Variants in STRBP observed in about 807,000 individuals in gnomAD.
STRBP encodes spermatid perinuclear RNA binding protein.
Under a neutral mutation model 80.1 loss-of-function variants are expected in STRBP, and 13 were observed. That is an observed-to-expected ratio of 0.16 (90% CI 0.11 to 0.26). STRBP has a LOEUF of 0.26. Among genes scored for constraint, STRBP ranks in the 10% least tolerant of loss-of-function variants. The pLI, the probability that STRBP is intolerant of heterozygous loss-of-function variation, is 1.00. For synonymous variants in STRBP, 284 were observed against 291.2 expected, an observed-to-expected ratio of 0.98 and a Z score of 0.25; for missense variants, 485 against 815.2, an observed-to-expected ratio of 0.59 and a Z score of 4.93.
intron 1 of STRBP, among the ~76,000 whole-genome samples, chr9:123,244,356 C>T (rs1200567087): frequency 2.6e-5 from 4 of 152,140 alleles, no homozygotes; most frequent in Non-Finnish European, 5.9e-5. Context: ...TAAAACTATT[C>T]TGTATGATAC....
intron 2 of STRBP, among the ~76,000 whole-genome samples, chr9:123,234,014 T>C (rs564255701): frequency 0.012 from 1,811 of 151,976 alleles, 38 homozygotes; most frequent in African/African-American, 0.042. Flanking sequence ...TCCTGGCTAA[T>C]ACGGTGAAAT....
At chr9:123,238,704 G>T (rs2040625533) in intron 1 of STRBP, among the ~76,000 whole-genome samples, 1 of 152,040 alleles carries the variant, frequency 6.6e-6, no homozygotes. Flanking sequence ...TGAGAAGGGA[G>T]ACTACCCAAG....
intron 1 of STRBP, among the ~76,000 whole-genome samples, chr9:123,256,018 CTTTTTTTTTTTT>C (rs11338372): frequency 5.6e-5 from 4 of 71,488 alleles, no homozygotes; most frequent in African/African-American, 2.3e-4. Context: ...TCCTTTCTTT[CTTTTTTTTTTTT>C]TTTTTTTTTT....
rs1472385673 is a variant in STRBP, at chr9:123,121,687, C to T, written c.*3910G>A. ...GCTGTTGTTGTATTAGGGCATACAA[C>T]ACAGATCAGAGACTTTCATTTCTCG... On this transcript the variant is annotated 3_prime_UTR_variant, in exon 19 of 19. Coordinates refer to ENST00000348403, the MANE Select transcript of STRBP (RefSeq NM_018387.5). 3 of 149,704 alleles carry T rather than the reference C, an allele frequency of 2.0e-5. No individual in the cohort carries two copies. Among genetic ancestry groups the T allele is most frequent in the South Asian group, 2.1e-4 (1 of 4,702 alleles). 9.3% of individuals were successfully genotyped at this position (149,704 alleles called of 1,614,324 possible). A position where few individuals can be genotyped will look rare whatever the true frequency, so the allele number is the denominator to read the frequency against.
At chr9:123,120,505 A>AGGGG (rs2035716293), downstream of STRBP, among the ~76,000 whole-genome samples, 1 of 1,206 alleles carries the variant, frequency 8.3e-4, no homozygotes, top group Non-Finnish European at 2.0e-3. Context: ...GGGGGGGGGC[A>AGGGG]GGGGCGGGGA....
chr9:123,172,389 A>G (rs972713788), intron 5 of STRBP, among the ~76,000 whole-genome samples: 1 of 152,224 alleles, frequency 6.6e-6, no homozygotes, highest in African/African-American at 2.4e-5. Context: ...GTTAGCCAGA[A>G]AGCCCATTAA....
chr9:123,262,217 T>C (rs1006122636), intron 1 of STRBP, among the ~76,000 whole-genome samples: 3 of 152,196 alleles, frequency 2.0e-5, no homozygotes, highest in Non-Finnish European at 4.4e-5. Context: ...TGAGCCTAAA[T>C]GTCAATTTAT....
intron 1 of STRBP, among the ~76,000 whole-genome samples, chr9:123,247,680 G>A (rs1207724040): frequency 6.6e-6 from 1 of 152,182 alleles, no homozygotes. Flanking sequence ...TGAAACTGCT[G>A]TAAGGATCTA....
Position 123,124,340 on chromosome 9 carries a change from G to A in STRBP, c.*1257C>T. 2.0e-6 allele frequency: 2 copies of A among 985,410 alleles called. No individual in the cohort carries two copies. The highest frequency in any genetic ancestry group is 2.4e-6 in the Non-Finnish European group (2 of 829,938). 61.0% of individuals were successfully genotyped at this position (985,410 alleles called of 1,614,324 possible). A position where few individuals can be genotyped will look rare whatever the true frequency, so the allele number is the denominator to read the frequency against. ...GTACCTTAATGAAACCATTGACCTA[G>A]TAACATCATTGGCTTTCCAAACAAG... On this transcript the variant is annotated 3_prime_UTR_variant, in exon 19 of 19. Transcript: ENST00000348403.
Position 123,123,994 on chromosome 9 carries a change from G to C in STRBP, c.*1603C>G, listed in dbSNP as rs1053996250. ...CAGCAAGTGATGAGGTTTTATTAAA[G>C]TATCACCCACCACTAATAAAGACAA... On this transcript the variant is annotated 3_prime_UTR_variant, in exon 19 of 19. Transcript: ENST00000348403. 3.0e-6 allele frequency: 3 copies of C among 985,362 alleles called. No individual in the cohort carries two copies. Among genetic ancestry groups the C allele is most frequent in the Non-Finnish European group, 3.6e-6 (3 of 829,906 alleles). The allele number at this position is 985,362 out of a possible 1,614,324, so 61.0% of individuals were successfully genotyped here.
intron 2 of STRBP, among the ~76,000 whole-genome samples, chr9:123,184,941 T>C (rs1302654113): frequency 6.6e-6 from 1 of 152,184 alleles, no homozygotes. Context: ...CCTCACCAGA[T>C]TTCCACAGTA....
At chr9:123,155,626 A>G (rs1227183081) in intron 11 of STRBP, among the ~76,000 whole-genome samples, 1 of 152,196 alleles carries the variant, frequency 6.6e-6, no homozygotes, top group African/African-American at 2.4e-5. Flanking sequence ...AAATAAGGGT[A>G]GGAGACACAG....
chr9:123,133,555 T>C (rs2036231116), intron 16 of STRBP, among the ~76,000 whole-genome samples: 1 of 152,090 alleles, frequency 6.6e-6, no homozygotes, highest in Non-Finnish European at 1.5e-5. Flanking sequence ...GTTTTTTTTT[T>C]TGAGACGGAG....
intron 1 of STRBP, among the ~76,000 whole-genome samples, chr9:123,253,820 T>C (rs1435586891): frequency 6.6e-6 from 1 of 152,232 alleles, no homozygotes; most frequent in East Asian, 1.9e-4. Flanking sequence ...AGGAGTGACC[T>C]GTAATACAAA....
rs2132338687 is a variant in STRBP, at chr9:123,142,561, G to A, written c.1339-2874C>T. 2.0e-5 allele frequency among the ~76,000 whole-genome samples: 3 copies of A among 152,190 alleles called. 1 individual carries two copies. The highest frequency in any genetic ancestry group is 4.4e-5 in the Non-Finnish European group (3 of 68,012). On this transcript the variant is annotated intron_variant, in intron 13 of 18. Coordinates refer to ENST00000348403, the MANE Select transcript of STRBP (RefSeq NM_018387.5). Reference sequence around the variant, plus strand: ...GCCTGCTCTGAGCAAGAATCCTAATGGGTCCCGTTTAGCCAGAAATCCCCC... The same window carrying A: ...GCCTGCTCTGAGCAAGAATCCTAATAGGTCCCGTTTAGCCAGAAATCCCCC...
rs1554744583 is a variant in STRBP at position 123,137,398 on chromosome 9, G to GC, written c.1498-884_1498-883insG. On this transcript the variant is annotated intron_variant, in intron 14 of 18. Transcript: ENST00000348403. ...ATAAATGTCCAAAAGTGTTAATTTT[G>GC]TTTTTTTTGTTTGTTGTTGTTGTTG... is the stretch of plus-strand genomic sequence containing the variant. 3.3e-5 allele frequency among the ~76,000 whole-genome samples: 5 copies of GC among 151,148 alleles called. No individual in the cohort carries two copies. In the East Asian group the frequency reaches 9.6e-4, roughly 29 times the overall value.
chr9:123,268,257 G>A (rs1275738677), intron 1 of STRBP, among the ~76,000 whole-genome samples, 179 bp downstream of exon 1: 1 of 150,790 alleles, frequency 6.6e-6, no homozygotes, highest in Non-Finnish European at 1.5e-5. Context: ...CGGAGCCGCG[G>A]GGCCGGGATT....
Position 123,132,943 on chromosome 9 carries a change from A to G in STRBP, c.1799T>C (p.Val600Ala). ...PQAKGVVNTA[V>A]SAAVQAVRGR... ...CCGAACAGCTTGGACTGCTGCAGACACAGCTGTATTCACAACGCCCTTTGC... is the reference window on the plus strand; with the variant it reads ...CCGAACAGCTTGGACTGCTGCAGACGCAGCTGTATTCACAACGCCCTTTGC... The change falls in exon 17 of 19, where the codon GTG becomes GCG. Residue 600 changes from valine (V) to alanine (A), a missense_variant. Val to Ala is a moderately conservative substitution (Grantham distance 64, BLOSUM62 0). This residue lies in a region of STRBP where 85 missense variants were observed against 120.1 expected (regional missense o/e 0.71). Coordinates refer to ENST00000348403, the MANE Select transcript of STRBP (RefSeq NM_018387.5). 1 of 1,614,066 alleles carries G rather than the reference A, an allele frequency of 6.2e-7. No individual in the cohort carries two copies. The highest frequency in any genetic ancestry group is 8.5e-7 in the Non-Finnish European group (1 of 1,179,942).
intron 8 of STRBP, among the ~76,000 whole-genome samples, chr9:123,159,833 A>G (rs907114911): frequency 6.6e-6 from 1 of 152,190 alleles, no homozygotes. Flanking sequence ...AGTTAAGTCA[A>G]TTTTACAATA....
Sources: gnomAD v4.1 joint callset for allele counts (sites outside exome capture counted in the v4.1 genomes callset) on GRCh38, gnomAD v4.1.1 for gene constraint, gnomAD v4.1.1 regional missense constraint, MANE v1.5 for transcripts, NCBI Gene and HGNC (gene_info 2026-07-23, HGNC 2026-07-21) for gene names.